The following FTO variants were observed in gnomAD, a reference collection of about 807,000 sequenced individuals.
FTO encodes FTO alpha-ketoglutarate dependent dioxygenase.
Under a neutral mutation model 63.9 loss-of-function variants are expected in FTO, and 47 were observed. That is an observed-to-expected ratio of 0.74 (90% CI 0.58 to 0.94). The LOEUF is 0.94. Ranked by LOEUF, FTO falls within the 40% of genes least tolerant of loss-of-function variation. The pLI is 0.00. For synonymous variants in FTO, 207 were observed against 224.4 expected (o/e 0.92, Z 0.69); for missense variants, 562 against 618.1 (o/e 0.91, Z 0.96).
chr16:53,836,036 G>A (rs576108571), intron 3 of FTO, among the ~76,000 whole-genome samples: 20 of 152,022 alleles, frequency 1.3e-4, no homozygotes, highest in Admixed American at 1.1e-3. Context: ...GATTACAGGC[G>A]CGGGCCACCA....
chr16:53,951,634 A>G (rs1183554028), intron 8 of FTO, among the ~76,000 whole-genome samples: 2 of 152,032 alleles, frequency 1.3e-5, no homozygotes, highest in African/African-American at 4.8e-5. Context: ...ACTCTCAGCA[A>G]TTTTGAAATC....
At chr16:53,978,505 C>T (rs926352598) in intron 8 of FTO, among the ~76,000 whole-genome samples, 7 of 152,156 alleles carry the variant, frequency 4.6e-5, no homozygotes, top group African/African-American at 1.4e-4. Flanking sequence ...TTGTAAATTA[C>T]GACTAAACTG....
intron 1 of FTO, among the ~76,000 whole-genome samples, chr16:53,804,904 C>T (rs530041832): frequency 4.1e-4 from 62 of 152,070 alleles, no homozygotes; most frequent in Non-Finnish European, 7.2e-4. Flanking sequence ...TGTGAGCCAC[C>T]GCGCCTGGCT....
At chr16:54,092,079 C>G (rs2086396468) in intron 8 of FTO, among the ~76,000 whole-genome samples, 1 of 152,150 alleles carries the variant, frequency 6.6e-6, no homozygotes, top group South Asian at 2.1e-4. Flanking sequence ...GAGTTTGGGA[C>G]CAGCCTGGGC....
At chr16:53,879,501 T>A (rs957633542) in intron 5 of FTO, among the ~76,000 whole-genome samples, 5 of 151,760 alleles carry the variant, frequency 3.3e-5, no homozygotes, top group African/African-American at 1.2e-4. Context: ...TATAGCAAGA[T>A]CCTGTCTCTC....
At chr16:53,922,780 C>T (rs949290408) in intron 7 of FTO, among the ~76,000 whole-genome samples, 5 of 152,180 alleles carry the variant, frequency 3.3e-5, no homozygotes, top group African/African-American at 4.8e-5. Flanking sequence ...AGTAGAACAA[C>T]TGGGAAATAA....
intron 8 of FTO, among the ~76,000 whole-genome samples, chr16:54,048,079 A>T (rs1310076147): frequency 1.2e-5 from 1 of 83,890 alleles, no homozygotes; most frequent in Admixed American, 1.2e-4. Context: ...AACCTGCACA[A>T]TGTGCACATG....
chr16:54,105,353 A>G (rs1447316380), intron 8 of FTO, among the ~76,000 whole-genome samples: 2 of 152,252 alleles, frequency 1.3e-5, no homozygotes, highest in African/African-American at 4.8e-5. Flanking sequence ...AATGTCCTGC[A>G]TATTTAAATT....
At chr16:53,836,780 A>T (rs1285710644) in intron 3 of FTO, among the ~76,000 whole-genome samples, 1 of 152,150 alleles carries the variant, frequency 6.6e-6, no homozygotes. Flanking sequence ...TCTTTTGGCC[A>T]TTCTAAAGCT....
chr16:53,983,959 C>T (rs977266964), intron 8 of FTO, among the ~76,000 whole-genome samples: 2 of 152,200 alleles, frequency 1.3e-5, no homozygotes, highest in African/African-American at 4.8e-5. Flanking sequence ...CTTTGGCCTA[C>T]AAGCCACTAG....
intron 4 of FTO, among the ~76,000 whole-genome samples, chr16:53,851,705 G>GT (rs559932378): frequency 7.0e-4 from 106 of 152,036 alleles, no homozygotes; most frequent in African/African-American, 2.5e-3. Context: ...TCTAGTGTTT[G>GT]TTTTTTGTAC....
chr16:53,836,818 T>C (rs1442026034), intron 3 of FTO, among the ~76,000 whole-genome samples: 1 of 152,152 alleles, frequency 6.6e-6, no homozygotes, highest in Non-Finnish European at 1.5e-5. Flanking sequence ...TGCCCCCAGC[T>C]TTTGTGGCCA....
chr16:54,055,985 G>C (rs749393717), intron 8 of FTO, among the ~76,000 whole-genome samples: 1 of 152,222 alleles, frequency 6.6e-6, no homozygotes, highest in Non-Finnish European at 1.5e-5. Context: ...ACTGGAGAGA[G>C]GAAGCTGATA....
intron 1 of FTO, among the ~76,000 whole-genome samples, chr16:53,773,729 T>C (rs1447564741): frequency 6.6e-6 from 1 of 152,210 alleles, no homozygotes; most frequent in Non-Finnish European, 1.5e-5. Flanking sequence ...GCTTTTGAGC[T>C]TCTTCAGACC....
At chr16:54,002,304 G>C (rs1457855041) in intron 8 of FTO, among the ~76,000 whole-genome samples, 1 of 152,174 alleles carries the variant, frequency 6.6e-6, no homozygotes, top group Non-Finnish European at 1.5e-5. Flanking sequence ...ACAGGCATGA[G>C]CCACTGTGTC....
rs1835199758 is a variant in FTO at position 54,114,302 on chromosome 16, T to C, written c.*2387T>C. ...GCATCACCCTTTCATGTCAGTGCTC[T>C]CCAAACCTGCTTGCTTGCACCCCTC... On this transcript the variant is annotated 3_prime_UTR_variant, in exon 9 of 9. Transcript: ENST00000471389. 3 of 152,324 alleles carry C rather than the reference T, an allele frequency of 2.0e-5. No individual in the cohort carries two copies. Among genetic ancestry groups the C allele is most frequent in the Middle Eastern group, 6.8e-3 (2 of 296 alleles). 9.4% of individuals were successfully genotyped at this position (152,324 alleles called of 1,614,324 possible).
chr16:53,872,247 CT>C (rs922787899), intron 4 of FTO, among the ~76,000 whole-genome samples: 3 of 152,120 alleles, frequency 2.0e-5, no homozygotes, highest in African/African-American at 7.2e-5. Flanking sequence ...TCTGGTGCTT[CT>C]TTTTTTGGCC....
rs918077599 is a variant in FTO, at chr16:54,092,135, T to G, written c.1365-19627T>G. Among the ~76,000 whole-genome samples, 5 of 152,048 alleles carry G rather than the reference T, an allele frequency of 3.3e-5. No individual in the cohort carries two copies. The East Asian group carries it at 9.7e-4, about 29-fold the overall frequency. ...CTACAAAAAGTAATAAAAAAACAATTATCTGGGCATGATGGCACATGCCTG... is the reference window on the plus strand; with the variant it reads ...CTACAAAAAGTAATAAAAAAACAATGATCTGGGCATGATGGCACATGCCTG... On this transcript the variant is annotated intron_variant, in intron 8 of 8. Transcript: ENST00000471389.
intron 1 of FTO, among the ~76,000 whole-genome samples, chr16:53,751,549 G>A (rs2076794703): frequency 6.6e-6 from 1 of 152,146 alleles, no homozygotes; most frequent in South Asian, 2.1e-4. Flanking sequence ...GCCAGATATG[G>A]AAGACTAATA....
Sources: gnomAD v4.1 joint callset for allele counts (sites outside exome capture counted in the v4.1 genomes callset) on GRCh38, gnomAD v4.1.1 for gene constraint, MANE v1.5 for transcripts, NCBI Gene and HGNC (gene_info 2026-07-23, HGNC 2026-07-21) for gene names.